Variants in PCDHGA10 observed in about 807,000 individuals in gnomAD.
PCDHGA10 encodes the protein protocadherin gamma-A10.
A neutral mutation model predicts 59.5 loss-of-function variants in PCDHGA10; 42 were observed. The observed-to-expected ratio is 0.71, with a 90% CI of 0.55 to 0.91. PCDHGA10 has a LOEUF of 0.91. PCDHGA10 is among the 40% of genes least tolerant of loss of function. The probability of loss-of-function intolerance (pLI) is 0.00; values close to 1 mark genes in which losing one functional copy is unlikely to be tolerated. For synonymous variants in PCDHGA10, 511 were observed against 517.2 expected, an observed-to-expected ratio of 0.99 and a Z score of 0.16; for missense variants, 1,111 against 1,198.2, an observed-to-expected ratio of 0.93 and a Z score of 1.07.
intron 1 of PCDHGA10, among the ~76,000 whole-genome samples, chr5:141,445,320 A>G (rs1462989860): frequency 1.3e-5 from 2 of 152,188 alleles, no homozygotes; most frequent in Non-Finnish European, 2.9e-5. Flanking sequence ...GGTTGAGAGA[A>G]CCCATCCAGA....
chr5:141,455,107 C>T (rs1027661420), intron 1 of PCDHGA10, among the ~76,000 whole-genome samples: 20 of 151,774 alleles, frequency 1.3e-4, no homozygotes, highest in Non-Finnish European at 2.4e-4. Context: ...CCACTGCGCC[C>T]GGTGGGTCTA....
Position 141,419,652 on chromosome 5 carries a change from C to T in PCDHGA10, c.2436+4041C>T, listed in dbSNP as rs563445438. 15 of 1,612,592 alleles carry T rather than the reference C, an allele frequency of 9.3e-6. 1 individual carries two copies. In the Admixed American group the frequency reaches 1.3e-4, roughly 14 times the overall value. On this transcript the variant is annotated intron_variant, in intron 1 of 3. Transcript: ENST00000398610. ...AAGGTGGTGGCCGTGGACGCGGACT[C>T]GGGGCACAATGCCTGGCTGTCCTAC... is the stretch of plus-strand genomic sequence containing the variant.
chr5:141,476,196 A>G lies in PCDHGA10; in HGVS notation c.2437-18611A>G, dbSNP rs2099386612. The G allele has an allele frequency of 6.2e-7, 1 of 1,613,852 alleles. No individual in the cohort carries two copies. Among genetic ancestry groups the G allele is most frequent in the South Asian group, 1.1e-5 (1 of 91,074 alleles). ...GTTTTGCTTCTGCTTGGTGCCTTGA[A>G]CAAGGCTTCCACGGTCATTCACTAT... On this transcript the variant is annotated intron_variant, in intron 1 of 3. Coordinates refer to ENST00000398610, the MANE Select transcript of PCDHGA10 (RefSeq NM_018913.3). This position sits in a 1 kb window ranked among gnomAD's most constrained non-coding sequence, Gnocchi z 7.6.
In PCDHGA10 at chr5:141,433,056, G is replaced by T. The variant is rs1422450948; in HGVS notation, c.2436+17445G>T. ...TCCCTCACCACGGACTCGCGGAAGA[G>T]TCACCTGATCTTCCCCCAGCCCAAC... On this transcript the variant is annotated intron_variant, in intron 1 of 3. Coordinates refer to ENST00000398610, the MANE Select transcript of PCDHGA10 (RefSeq NM_018913.3). The T allele has an allele frequency of 6.8e-6, 11 of 1,614,086 alleles. No homozygotes were observed. In the South Asian group the frequency reaches 1.1e-4, roughly 16 times the overall value.
Position 141,476,570 on chromosome 5 carries a change from A to G in PCDHGA10, c.2437-18237A>G. ...GATTAGCGAGGCCGTGGCTCCGGGG[A>G]CGCGCTTTCCGCTCGAGAGCGCGCA... On this transcript the variant is annotated intron_variant, in intron 1 of 3. Transcript: ENST00000398610. The surrounding 1 kb of genome is among the most constrained non-coding windows in gnomAD (Gnocchi z 7.6). 3 of 1,614,114 alleles carry G rather than the reference A, an allele frequency of 1.9e-6. No individual in the cohort carries two copies. The highest frequency in any genetic ancestry group is 2.5e-6 in the Non-Finnish European group (3 of 1,180,012).
intron 1 of PCDHGA10, among the ~76,000 whole-genome samples, chr5:141,448,948 A>C (rs918513864): frequency 6.6e-6 from 1 of 152,170 alleles, no homozygotes; most frequent in African/African-American, 2.4e-5. Flanking sequence ...GCAACTCAAA[A>C]AAACAAACAA....
At chr5:141,423,711 T>C (rs1479409204) in intron 1 of PCDHGA10, 1 of 1,330,004 alleles carries the variant, frequency 7.5e-7, no homozygotes, top group Non-Finnish European at 9.6e-7. Flanking sequence ...GCACAAGTCT[T>C]TTAAGGAGAT....
chr5:141,476,557 C>T lies in PCDHGA10; in HGVS notation c.2437-18250C>T. On this transcript the variant is annotated intron_variant, in intron 1 of 3. Coordinates refer to ENST00000398610, the MANE Select transcript of PCDHGA10 (RefSeq NM_018913.3). This position sits in a 1 kb window ranked among gnomAD's most constrained non-coding sequence, Gnocchi z 7.6. ...AAATGAAATTGGAGATTAGCGAGGC[C>T]GTGGCTCCGGGGACGCGCTTTCCGC... The T allele has an allele frequency of 1.2e-6, 2 of 1,614,222 alleles. No homozygotes were observed. The highest frequency in any genetic ancestry group is 1.3e-5 in the African/African-American group (1 of 75,060).
chr5:141,445,537 G>A (rs1266179512), intron 1 of PCDHGA10, among the ~76,000 whole-genome samples: 1 of 152,182 alleles, frequency 6.6e-6, no homozygotes, highest in African/African-American at 2.4e-5. Flanking sequence ...AAGCCAACAA[G>A]GAGAAATACA....
intron 1 of PCDHGA10, chr5:141,421,041 C>G (rs963777669): frequency 5.5e-6 from 3 of 546,514 alleles, no homozygotes; most frequent in Non-Finnish European, 9.5e-6. Context: ...TCCCTCCCTC[C>G]CCCGCCTCTA....
intron 1 of PCDHGA10, among the ~76,000 whole-genome samples, chr5:141,459,348 C>G (rs1015330513): frequency 2.6e-5 from 4 of 152,194 alleles, no homozygotes; most frequent in Admixed American, 2.0e-4. Context: ...TCTTGAAATT[C>G]ATTCATGTTC....
chr5:141,428,557 C>T (rs2097147196), intron 1 of PCDHGA10: 2 of 242,520 alleles, frequency 8.2e-6, no homozygotes, highest in Non-Finnish European at 1.6e-5. Context: ...AACAGTCCCC[C>T]CACAAGATCT....
intron 2 of PCDHGA10, among the ~76,000 whole-genome samples, chr5:141,503,351 C>T (rs1186394919): frequency 6.6e-6 from 1 of 151,994 alleles, no homozygotes; most frequent in Admixed American, 6.6e-5. Context: ...AATTCCAGCA[C>T]TTTGGGAAGC....
chr5:141,506,896 T>C (rs1417106112), intron 3 of PCDHGA10, among the ~76,000 whole-genome samples: 3 of 152,158 alleles, frequency 2.0e-5, no homozygotes, highest in African/African-American at 7.2e-5. Flanking sequence ...CAAGAAGCAC[T>C]GTCATCACAC....
intron 1 of PCDHGA10, among the ~76,000 whole-genome samples, chr5:141,464,049 G>C (rs1330340459): frequency 6.6e-6 from 1 of 152,124 alleles, no homozygotes; most frequent in Admixed American, 6.5e-5. Context: ...TGGATCACCT[G>C]AGGTCAGGAG....
chr5:141,507,097 A>G (rs1343795018), intron 3 of PCDHGA10: 1 of 152,082 alleles, frequency 6.6e-6, no homozygotes, highest in African/African-American at 2.4e-5. Flanking sequence ...TGCTCTTTCT[A>G]CTATAGGGAC....
At chr5:141,449,280 C>G (rs934214922) in intron 1 of PCDHGA10, among the ~76,000 whole-genome samples, 1 of 151,944 alleles carries the variant, frequency 6.6e-6, no homozygotes, top group East Asian at 1.9e-4. Context: ...CTCCTTCACC[C>G]GGATGCACCG....
At chr5:141,496,768 A>G (rs997951321) in intron 2 of PCDHGA10, among the ~76,000 whole-genome samples, 10 of 152,260 alleles carry the variant, frequency 6.6e-5, no homozygotes, top group African/African-American at 2.4e-4. Context: ...TCGAGCATCT[A>G]CTATGAGCAG....
chr5:141,441,126 C>A (rs1319809408), intron 1 of PCDHGA10: 2 of 152,062 alleles, frequency 1.3e-5, no homozygotes, highest in Admixed American at 1.3e-4. Context: ...CAGTTGAGAC[C>A]GAATTTCTAG....
Sources: allele counts gnomAD v4.1 joint callset (sites outside exome capture counted in the v4.1 genomes callset), GRCh38; gene constraint gnomAD v4.1.1; non-coding constraint Gnocchi (gnomAD v3.1); transcripts MANE v1.5; gene names NCBI Gene and HGNC (gene_info 2026-07-23, HGNC 2026-07-21).